Variants in ZNF320 observed in about 807,000 individuals in gnomAD.
The protein encoded by ZNF320 is zinc finger protein 320, also known as zinc finger gene 320.
Under a neutral mutation model 6.8 loss-of-function variants are expected in ZNF320, and 2 were observed. That is an observed-to-expected ratio of 0.29 (90% CI 0.12 to 0.93). The LOEUF (loss-of-function observed/expected upper bound fraction) is 0.93. ZNF320 is among the 40% of genes least tolerant of loss of function. The probability of loss-of-function intolerance (pLI) is 0.55; values close to 1 mark genes in which losing one functional copy is unlikely to be tolerated. For synonymous variants in ZNF320, 208 were observed against 203.2 expected (o/e 1.02, Z -0.20); for missense variants, 472 against 611.0 (o/e 0.77, Z 2.40).
Position 52,881,902 on chromosome 19 carries a change from T to G in ZNF320, c.224A>C (p.Gln75Pro), listed in dbSNP as rs2063934574. ...NTEVIHTGTL[Q>P]RQASYHIGAF... is the part of the protein sequence containing the mutation. ...TCCAATGTGATAACTTGCTTGTCTC[T>G]GCAATGTCCCTGTGTGGATCACTTC... The change falls in exon 6 of 6, where the codon CAG becomes CCG. Residue 75 changes from glutamine to proline, a missense_variant. Gln to Pro is a moderately conservative substitution (Grantham distance 76, BLOSUM62 -1). This residue lies in a region of ZNF320 where 462 missense variants were observed against 559.7 expected (regional missense o/e 0.83). Coordinates refer to ENST00000682928, the MANE Select transcript of ZNF320 (RefSeq NM_001351774.2). 6.2e-7 allele frequency: 1 copy of G among 1,613,568 alleles called. No individual in the cohort carries two copies. The highest frequency in any genetic ancestry group is 2.2e-5 in the East Asian group (1 of 44,870).
intron 5 of ZNF320, among the ~76,000 whole-genome samples, chr19:52,882,728 A>G (rs1222142676): frequency 6.6e-6 from 1 of 152,174 alleles, no homozygotes; most frequent in Non-Finnish European, 1.5e-5. Flanking sequence ...ACATCGCCTC[A>G]GGTTAGGAGT....
intron 5 of ZNF320, among the ~76,000 whole-genome samples, chr19:52,868,086 A>G (rs2063610405): frequency 6.6e-6 from 1 of 152,220 alleles, no homozygotes; most frequent in Non-Finnish European, 1.5e-5. Context: ...TGACGGAGAC[A>G]GGAAAAGGAG....
At chr19:52,889,791 G>A (rs2064228267) in intron 4 of ZNF320, among the ~76,000 whole-genome samples, 1 of 152,128 alleles carries the variant, frequency 6.6e-6, no homozygotes, top group African/African-American at 2.4e-5. Context: ...ACCTAAAAAT[G>A]TACTATAATG....
downstream of ZNF320, among the ~76,000 whole-genome samples, chr19:52,872,043 C>T (rs1243682669): frequency 6.6e-6 from 1 of 152,100 alleles, no homozygotes; most frequent in Non-Finnish European, 1.5e-5. Flanking sequence ...TGGGATTAGC[C>T]AGGTGTGGTA....
chr19:52,860,111 AC>A (rs1441473256), downstream of ZNF320, among the ~76,000 whole-genome samples: 1 of 151,826 alleles, frequency 6.6e-6, no homozygotes, highest in Non-Finnish European at 1.5e-5. Context: ...ACGGGGTTTC[AC>A]CGTGTTAGCC....
At chr19:52,859,774 G>A (rs944784934), downstream of ZNF320, among the ~76,000 whole-genome samples, 1 of 152,096 alleles carries the variant, frequency 6.6e-6, no homozygotes, top group Admixed American at 6.5e-5. Context: ...CTGGGGCTGG[G>A]TAGTCTTCCT....
At chr19:52,882,678 C>G (rs1418013851) in intron 5 of ZNF320, among the ~76,000 whole-genome samples, 3 of 152,116 alleles carry the variant, frequency 2.0e-5, no homozygotes, top group Non-Finnish European at 2.9e-5. Flanking sequence ...GGTGGTGGCT[C>G]GCGCCTGTGA....
chr19:52,887,862 C>T (rs1211145858), intron 5 of ZNF320, among the ~76,000 whole-genome samples: 1 of 152,144 alleles, frequency 6.6e-6, no homozygotes, highest in Non-Finnish European at 1.5e-5. Flanking sequence ...TCTGGGATGA[C>T]AGGCATGAAC....
At chr19:52,896,204 G>T (rs1203288491) in intron 1 of ZNF320, among the ~76,000 whole-genome samples, 1 of 152,062 alleles carries the variant, frequency 6.6e-6, no homozygotes, top group African/African-American at 2.4e-5. Flanking sequence ...GGATTCTGCT[G>T]CCTCAGCCTC....
rs893971224 is a variant in ZNF320, at chr19:52,886,922, G to C, written c.142+1205C>G. Among the ~76,000 whole-genome samples the C allele has an allele frequency of 2.0e-5, 3 of 148,372 alleles. No individual in the cohort carries two copies. The Admixed American group carries it at 2.0e-4, about 10-fold the overall frequency. ...TGCACTGTAGCCTGGATGAAAGAGT[G>C]AAACTATCAAAAGAAAAAGAAAGAA... On this transcript the variant is annotated intron_variant, in intron 5 of 5. Coordinates refer to ENST00000682928, the MANE Select transcript of ZNF320 (RefSeq NM_001351774.2).
At chr19:52,872,744 G>C (rs886464401), downstream of ZNF320, among the ~76,000 whole-genome samples, 1 of 151,984 alleles carries the variant, frequency 6.6e-6, no homozygotes, top group African/African-American at 2.4e-5. Flanking sequence ...CTCGTGATCT[G>C]CCTGCCTCGG....
chr19:52,900,204 T>C (rs548675727), upstream of ZNF320, among the ~76,000 whole-genome samples: 13 of 152,322 alleles, frequency 8.5e-5, no homozygotes, highest in Admixed American at 5.9e-4. Flanking sequence ...GTCTGCAACT[T>C]TGGAAATTTA....
Position 52,880,889 on chromosome 19 carries a change from A to G in ZNF320, c.1237T>C (p.Tyr413His), listed in dbSNP as rs145022961. The G allele has an allele frequency of 9.0e-5, 145 of 1,613,938 alleles. No individual in the cohort carries two copies. The African/African-American group carries it at 1.6e-3, about 18-fold the overall frequency. The change falls in exon 6 of 6, where the codon TAC becomes CAC. Residue 413 changes from tyrosine to histidine, a missense_variant. Around this residue, in one of 2 missense-constraint regions of ZNF320, gnomAD observed 462 missense variants for 559.7 expected, o/e 0.83. Transcript: ENST00000682928. ...HQKLHTGEKL[Y>H]ECEECDKVYI... ...ACTTTGTCACATTCTTCACATTCGT[A>G]AAGTTTCTCTCCAGTATGAAGTTTT...
chr19:52,874,480 G>T (rs12974965), downstream of ZNF320, among the ~76,000 whole-genome samples: 28,900 of 152,050 alleles, frequency 0.19, 2,951 homozygotes, highest in East Asian at 0.27. Context: ...TATTACTGAG[G>T]GTGGGTTTAA....
intron 5 of ZNF320, among the ~76,000 whole-genome samples, chr19:52,884,127 A>G (rs565781959): frequency 6.6e-6 from 1 of 152,322 alleles, no homozygotes; most frequent in Non-Finnish European, 1.5e-5. Context: ...TAAACCGTGA[A>G]GAAGCCTCTC....
intron 5 of ZNF320, among the ~76,000 whole-genome samples, chr19:52,887,007 A>AAGGAAGGAAGG: frequency 1.2e-5 from 1 of 81,702 alleles, no homozygotes; most frequent in African/African-American, 5.0e-5. Context: ...GGAAGGAAGG[A>AAGGAAGGAAGG]AAAGAAAAAA....
rs1023998202 is a variant in ZNF320, at chr19:52,880,065, C to T, written c.*531G>A. On this transcript the variant is annotated 3_prime_UTR_variant, in exon 6 of 6. Transcript: ENST00000682928. ...AACTTTTTGTTAAAGAAACAAAAAACAGGCCAGGTGTGGTGGCTCACGCCT... is the reference window on the plus strand; with the variant it reads ...AACTTTTTGTTAAAGAAACAAAAAATAGGCCAGGTGTGGTGGCTCACGCCT... 8 of 152,098 alleles carry T rather than the reference C, an allele frequency of 5.3e-5. No individual in the cohort carries two copies. The highest frequency in any genetic ancestry group is 8.8e-5 in the Non-Finnish European group (6 of 68,040). The allele number at this position is 152,098 out of a possible 1,614,324, so 9.4% of individuals were successfully genotyped here. A position where few individuals can be genotyped will look rare whatever the true frequency, so the allele number is the denominator to read the frequency against.
rs1465498493 is a variant in ZNF320, at chr19:52,881,077, ATCC to A, written c.1046_1048del (p.Arg349del). 1.2e-6 allele frequency: 2 copies of A among 1,613,898 alleles called. No homozygotes were observed. Among genetic ancestry groups the A allele is most frequent in the African/African-American group, 1.3e-5 (1 of 74,850 alleles). ...TTTGTATGGTTTCTCTCCAGTATGA[ATCC>A]TCCTATGTCTTTCAAGATGTGATTT... On this transcript the variant is annotated inframe_deletion, in exon 6 of 6. Coordinates refer to ENST00000682928, the MANE Select transcript of ZNF320 (RefSeq NM_001351774.2).
intron 1 of ZNF320, among the ~76,000 whole-genome samples, chr19:52,896,996 T>C (rs1216002393): frequency 6.6e-6 from 1 of 152,224 alleles, no homozygotes; most frequent in East Asian, 1.9e-4. Flanking sequence ...AGCATTTCGT[T>C]GGCCAAGGGC....
Sources: gnomAD v4.1 joint callset for allele counts (sites outside exome capture counted in the v4.1 genomes callset) on GRCh38, gnomAD v4.1.1 for gene constraint, gnomAD v4.1.1 regional missense constraint, MANE v1.5 for transcripts, NCBI Gene and HGNC (gene_info 2026-07-23, HGNC 2026-07-21) for gene names.